The following SLC46A2 variants were observed in gnomAD, a reference collection of about 807,000 sequenced individuals.
SLC46A2 encodes the protein thymic stromal co-transporter.
A neutral mutation model predicts 33.1 loss-of-function variants in SLC46A2; 25 were observed. That is an observed-to-expected ratio of 0.76 (90% CI 0.55 to 1.06). The LOEUF is 1.06. Ranked by LOEUF, SLC46A2 falls within the 50% of genes least tolerant of loss-of-function variation. SLC46A2 has a pLI of 0.00. For synonymous variants in SLC46A2, 254 were observed against 275.9 expected, an observed-to-expected ratio of 0.92 and a Z score of 0.79; for missense variants, 622 against 621.7, an observed-to-expected ratio of 1.00 and a Z score of 0.00.
intron 1 of SLC46A2, among the ~76,000 whole-genome samples, chr9:112,888,018 C>T (rs1841668111): frequency 6.6e-6 from 1 of 152,024 alleles, no homozygotes; most frequent in Non-Finnish European, 1.5e-5. Flanking sequence ...CGGCTCACGC[C>T]TGTAATCCTA....
At position 112,890,509 on chromosome 9, in the gene SLC46A2, G is replaced by C; in HGVS notation, c.173C>G (p.Ala58Gly). 6.2e-7 allele frequency: 1 copy of C among 1,613,734 alleles called. No homozygotes were observed. The highest frequency in any genetic ancestry group is 8.5e-7 in the Non-Finnish European group (1 of 1,179,896). ...TAGAGCCCCCCGGGGCGATGGGCTG[G>C]CACTGTGGTTGGAGGAGCCTCCGGT... ...YGTGGSSNHSASPSPRGALED... is the reference protein window; with the variant it reads ...YGTGGSSNHSGSPSPRGALED... The change falls in exon 1 of 4, where the codon GCC (alanine) becomes GGC (glycine). Residue 58 changes from alanine to glycine, a missense_variant. Transcript: ENST00000374228. The surrounding 1 kb of genome is among the most constrained non-coding windows in gnomAD (Gnocchi z 6.0).
intron 2 of SLC46A2, among the ~76,000 whole-genome samples, chr9:112,886,917 G>A (rs1239923421): frequency 6.6e-6 from 1 of 151,994 alleles, no homozygotes; most frequent in Non-Finnish European, 1.5e-5. Flanking sequence ...GTTTAGAGAT[G>A]GGGGTCTCAC....
intron 3 of SLC46A2, among the ~76,000 whole-genome samples, chr9:112,884,722 C>T (rs1218776369): frequency 1.3e-5 from 2 of 152,242 alleles, no homozygotes; most frequent in African/African-American, 4.8e-5. Flanking sequence ...TGCATAAGCG[C>T]TCAATCAGTT....
chr9:112,881,807 C>T (rs910464819), intron 3 of SLC46A2: 1 of 152,230 alleles, frequency 6.6e-6, no homozygotes, highest in African/African-American at 2.4e-5. Context: ...AAATCATCAT[C>T]ACTGCATTCT....
At chr9:112,887,123 G>T (rs1260825042) in intron 2 of SLC46A2, among the ~76,000 whole-genome samples, 1 of 152,160 alleles carries the variant, frequency 6.6e-6, no homozygotes, top group Non-Finnish European at 1.5e-5. Flanking sequence ...ATCCTTCTTT[G>T]ACTGTGGCTT....
chr9:112,885,640 C>T (rs954021775), intron 3 of SLC46A2: 2 of 152,066 alleles, frequency 1.3e-5, no homozygotes, highest in Non-Finnish European at 2.9e-5. Context: ...GTGTAAAATA[C>T]ATACTGGATT....
intron 3 of SLC46A2, among the ~76,000 whole-genome samples, chr9:112,883,215 G>A (rs1338045436): frequency 6.6e-6 from 1 of 152,164 alleles, no homozygotes; most frequent in Non-Finnish European, 1.5e-5. Context: ...CCTGCCTTGG[G>A]ATAACTTGAC....
Position 112,890,249 on chromosome 9 carries a change from G to C in SLC46A2, c.433C>G (p.Leu145Val). ...CAGAAGGCGGAGAAGCCGCCGAATA[G>C]CCCGTTCAGCGCCGCCGCCCCGTAC... ...VLYGAAALNG[L>V]FGGFSAFWSG... The change falls in exon 1 of 4, where the codon CTA becomes GTA. Residue 145 changes from leucine (L) to valine (V), a missense_variant. Leu to Val is a conservative substitution (Grantham distance 32). Transcript: ENST00000374228. This position sits in a 1 kb window ranked among gnomAD's most constrained non-coding sequence, Gnocchi z 6.0. The C allele has an allele frequency of 6.2e-7, 1 of 1,613,198 alleles. No individual in the cohort carries two copies. Among genetic ancestry groups the C allele is most frequent in the South Asian group, 1.1e-5 (1 of 91,088 alleles).
At chr9:112,888,625 A>G (rs950696820) in intron 1 of SLC46A2, among the ~76,000 whole-genome samples, 1 of 152,246 alleles carries the variant, frequency 6.6e-6, no homozygotes, top group African/African-American at 2.4e-5. Flanking sequence ...GACAGAATGG[A>G]TAGCAACTAT....
chr9:112,882,670 AG>A (rs1165564092), intron 3 of SLC46A2, among the ~76,000 whole-genome samples: 1 of 152,094 alleles, frequency 6.6e-6, no homozygotes, highest in Non-Finnish European at 1.5e-5. Flanking sequence ...TCAATATATT[AG>A]GCCTGATTGA....
In SLC46A2 at chr9:112,890,122, C is replaced by T; in HGVS notation, c.560G>A (p.Gly187Glu). Residue 187 changes from glycine to glutamate, a missense_variant, in exon 1 of 4, where the codon GGG becomes GAG. By Grantham distance (98) the Gly-to-Glu change is moderately conservative (BLOSUM62 -2). Transcript: ENST00000374228. This position sits in a 1 kb window ranked among gnomAD's most constrained non-coding sequence, Gnocchi z 6.0. ...GAAGAGATGCCCGGAAGCCATGCTC[C>T]CGCAGAACCCCGCCAAGCCCAGCAT... ...DLMLGLAGFC[G>E]SMASGHLFKQ... 6.2e-7 allele frequency: 1 copy of T among 1,613,438 alleles called. No homozygotes were observed. Among genetic ancestry groups the T allele is most frequent in the Non-Finnish European group, 8.5e-7 (1 of 1,179,908 alleles).
chr9:112,885,925 ATAG>A (rs1455964552), intron 3 of SLC46A2, among the ~76,000 whole-genome samples: 1 of 152,200 alleles, frequency 6.6e-6, no homozygotes, highest in Non-Finnish European at 1.5e-5. Flanking sequence ...AGTGGTCTCC[ATAG>A]AGTGCTCTGA....
Position 112,889,979 on chromosome 9 carries a change from T to C in SLC46A2, c.703A>G (p.Lys235Glu). The change falls in exon 1 of 4, where the codon AAA becomes GAA. Residue 235 changes from lysine (K) to glutamate (E), a missense_variant. Transcript: ENST00000374228. Reference sequence around the variant, plus strand: ...ACGGCGGGGAGCTCCTGGCTGGGTTTGGCCACCGACTCAGGGACCTTTAGC... The same window carrying C: ...ACGGCGGGGAGCTCCTGGCTGGGTTCGGCCACCGACTCAGGGACCTTTAGC... Reference protein sequence around the residue: ...LVLKVPESVAKPSQELPAVDT... With the variant: ...LVLKVPESVAEPSQELPAVDT... The C allele has an allele frequency of 6.2e-7, 1 of 1,614,172 alleles. No individual in the cohort carries two copies. The highest frequency in any genetic ancestry group is 8.5e-7 in the Non-Finnish European group (1 of 1,180,020).
intron 1 of SLC46A2, among the ~76,000 whole-genome samples, chr9:112,887,882 A>G (rs1841663906): frequency 1.4e-5 from 2 of 144,942 alleles, no homozygotes; most frequent in African/African-American, 5.7e-5. Context: ...CTCAAGCTCT[A>G]TTCTCAAGCT....
intron 3 of SLC46A2, among the ~76,000 whole-genome samples, chr9:112,883,281 C>T (rs1319097428): frequency 1.3e-5 from 2 of 152,074 alleles, no homozygotes; most frequent in African/African-American, 4.8e-5. Flanking sequence ...TAGAAGAATT[C>T]AGGAGAGAAT....
rs191267096 is a variant in SLC46A2, at chr9:112,889,818, C to T, written c.864G>A (p.Val288=). 1.1e-5 allele frequency: 17 copies of T among 1,614,204 alleles called. No homozygotes were observed. The East Asian group carries it at 2.0e-4, about 19-fold the overall frequency. The change falls in exon 1 of 4, where the codon GTG becomes GTA. Residue 288 remains valine, a synonymous_variant. Transcript: ENST00000374228. ...PHKTTIALLF[V]GAIIYDLAVV... ...CCGCCAGGTCATATATGATAGCACC[C>T]ACAAAGAGCAAGGCAATGGTGGTTT... is the stretch of plus-strand genomic sequence containing the variant.
At chr9:112,879,910 C>A (rs142763910) in intron 3 of SLC46A2, 91 bp from the exon 4 acceptor site, 14,539 of 1,295,086 alleles carry the variant, frequency 0.011, 132 homozygotes, top group Middle Eastern at 0.016. Context: ...TAATTACAAG[C>A]CAGGCTTTAG....
intron 2 of SLC46A2, 138 bp from the exon 3 acceptor site, chr9:112,886,754 T>A: frequency 6.6e-6 from 6 of 909,078 alleles, no homozygotes; most frequent in African/African-American, 3.3e-5. Flanking sequence ...AGACAGAGTC[T>A]TACTCTGTTG....
At chr9:112,884,839 G>T (rs1841624083) in intron 3 of SLC46A2, among the ~76,000 whole-genome samples, 1 of 151,864 alleles carries the variant, frequency 6.6e-6, no homozygotes, top group Non-Finnish European at 1.5e-5. Flanking sequence ...TTTTGTTTAG[G>T]TTAAAGAGAC....
Sources: allele counts gnomAD v4.1 joint callset (sites outside exome capture counted in the v4.1 genomes callset), GRCh38; gene constraint gnomAD v4.1.1; non-coding constraint Gnocchi (gnomAD v3.1); transcripts MANE v1.5; gene names NCBI Gene and HGNC (gene_info 2026-07-23, HGNC 2026-07-21).